Variants in HPF1 observed in about 807,000 individuals in gnomAD.
The protein encoded by HPF1 is UPF0609 protein C4orf27.
In HPF1, 35 loss-of-function variants were observed where a neutral mutation model predicts 38.8. The observed-to-expected ratio is 0.90, with a 90% confidence interval of 0.69 to 1.19. The LOEUF (loss-of-function observed/expected upper bound fraction) is 1.19. Among genes scored for constraint, HPF1 ranks in the 50% most tolerant of loss-of-function variants. The pLI is 0.00. For synonymous variants in HPF1, 115 were observed against 139.2 expected, an observed-to-expected ratio of 0.83 and a Z score of 1.22; for missense variants, 367 against 405.8, an observed-to-expected ratio of 0.90 and a Z score of 0.82.
At chr4:169,751,884 CAT>C (rs1734123699) in intron 2 of HPF1, among the ~76,000 whole-genome samples, 1 of 152,124 alleles carries the variant, frequency 6.6e-6, no homozygotes, top group East Asian at 1.9e-4. Context: ...AACAAATTTC[CAT>C]ACTCTCCACC....
At chr4:169,747,607 T>C (rs1174169368) in intron 4 of HPF1, among the ~76,000 whole-genome samples, 1 of 152,196 alleles carries the variant, frequency 6.6e-6, no homozygotes, top group East Asian at 1.9e-4. Context: ...ATAAAATGGC[T>C]TCAAGTCATG....
chr4:169,748,489 G>C (rs1031155694), intron 4 of HPF1, among the ~76,000 whole-genome samples: 2 of 151,968 alleles, frequency 1.3e-5, no homozygotes, highest in Non-Finnish European at 2.9e-5. Context: ...TCCTGACTCA[G>C]CCTCCTGAGT....
At chr4:169,750,136 T>A (rs1218150295) in intron 3 of HPF1, among the ~76,000 whole-genome samples, 1 of 152,008 alleles carries the variant, frequency 6.6e-6, no homozygotes, top group Non-Finnish European at 1.5e-5. Flanking sequence ...GGAAACCGAG[T>A]CACAGAAAGT....
rs6857979 is a variant in HPF1, at chr4:169,755,807, G to A, written c.49-1972C>T. Among the ~76,000 whole-genome samples, 613 of 152,336 alleles carry A rather than the reference G, an allele frequency of 4.0e-3. 8 individuals are homozygous for A. The highest frequency in any genetic ancestry group is 0.014 in the African/African-American group (589 of 41,578). ...AAACAAAATTCAGGATAGCTACACT[G>A]AAAATAATTGACAGGAAGAAGGCTG... On this transcript the variant is annotated intron_variant, in intron 1 of 7. Transcript: ENST00000393381.
Position 169,757,840 on chromosome 4 carries a change from T to G in HPF1, c.38A>C (p.Glu13Ala). 1 of 1,562,680 alleles carries G rather than the reference T, an allele frequency of 6.4e-7. No individual in the cohort carries two copies. Among genetic ancestry groups the G allele is most frequent in the African/African-American group, 1.4e-5 (1 of 73,798 alleles). ...CCTTTCCGGCAGTACCTGCGGCCCC[T>G]CTCCGCCGGGCCTGCGCTTCCCGCC... ...GGGGKRRPGG[E>A]GPQCEKTTDV... is the part of the protein sequence containing the mutation. The change falls in exon 1 of 8, where the codon GAG becomes GCG. Residue 13 changes from glutamate to alanine, a missense_variant. Glu to Ala is a moderately radical substitution (Grantham distance 107). Coordinates refer to ENST00000393381, the MANE Select transcript of HPF1 (RefSeq NM_017867.3).
intron 1 of HPF1, among the ~76,000 whole-genome samples, chr4:169,756,324 C>A (rs537036164): frequency 2.0e-5 from 3 of 152,320 alleles, no homozygotes; most frequent in Non-Finnish European, 4.4e-5. Flanking sequence ...GGGTCCACAG[C>A]AGATCCTCAA....
intron 5 of HPF1, among the ~76,000 whole-genome samples, chr4:169,740,782 A>G (rs889047383): frequency 1.1e-4 from 17 of 152,204 alleles, no homozygotes; most frequent in Non-Finnish European, 2.4e-4. Flanking sequence ...AACCTCAATC[A>G]TATCTTCTTT....
chr4:169,753,893 C>T, intron 1 of HPF1, 58 bp from the exon 2 acceptor site: 3 of 1,324,134 alleles, frequency 2.3e-6, no homozygotes, highest in Non-Finnish European at 3.2e-6. Flanking sequence ...CCTTGCATAA[C>T]AGTATCTATC....
chr4:169,752,552 GAT>G (rs1734133227), intron 2 of HPF1, among the ~76,000 whole-genome samples: 1 of 151,932 alleles, frequency 6.6e-6, no homozygotes. Flanking sequence ...AGTATACAGG[GAT>G]ATGTGTGTAC....
At chr4:169,741,870 G>T in intron 5 of HPF1, 87 bp downstream of exon 5, 1 of 1,099,134 alleles carries the variant, frequency 9.1e-7, no homozygotes, top group Non-Finnish European at 1.3e-6. Flanking sequence ...GACTAGGGAA[G>T]AGAAGGGTAA....
Position 169,731,693 on chromosome 4 carries a change from T to C in HPF1, c.909+11A>G, listed in dbSNP as rs780230025. ...GGCAGTGGGTAGAAGGTGGAGGGTT[T>C]TTTTACTCACATGTGAGCCATAGCA... On this transcript the variant is annotated intron_variant, in intron 7 of 7. Transcript: ENST00000393381. 21 of 1,505,750 alleles carry C rather than the reference T, an allele frequency of 1.4e-5. No individual in the cohort carries two copies. Among genetic ancestry groups the C allele is most frequent in the Non-Finnish European group, 1.7e-5 (19 of 1,132,366 alleles). 93.3% of individuals were successfully genotyped at this position (1,505,750 alleles called of 1,614,324 possible). A position where few individuals can be genotyped will look rare whatever the true frequency, so the allele number is the denominator to read the frequency against.
Position 169,739,989 on chromosome 4 carries a change from T to C in HPF1, c.648+1968A>G, listed in dbSNP as rs2150290409. On this transcript the variant is annotated intron_variant, in intron 5 of 7. Coordinates refer to ENST00000393381, the MANE Select transcript of HPF1 (RefSeq NM_017867.3). ...CTAATTGTCCATGAAGAGGAATCAA[T>C]TAAGAAGTCATCAGAATTGTAATTT... is the stretch of plus-strand genomic sequence containing the variant. Among the ~76,000 whole-genome samples the C allele has an allele frequency of 3.9e-5, 6 of 152,324 alleles. No individual in the cohort carries two copies. The South Asian group carries it at 1.2e-3, about 32-fold the overall frequency.
intron 3 of HPF1, among the ~76,000 whole-genome samples, chr4:169,749,513 T>A (rs1455005929): frequency 6.6e-6 from 1 of 152,126 alleles, no homozygotes; most frequent in Non-Finnish European, 1.5e-5. Context: ...TTTCATCAGC[T>A]CCTCAGTAAA....
intron 1 of HPF1, among the ~76,000 whole-genome samples, chr4:169,754,095 G>GT (rs1361853275): frequency 6.6e-6 from 1 of 152,060 alleles, no homozygotes; most frequent in East Asian, 1.9e-4. Flanking sequence ...AAACAAAAAG[G>GT]TAAAAAAAAG....
chr4:169,752,885 T>C (rs1218643263), intron 2 of HPF1, among the ~76,000 whole-genome samples: 5 of 152,170 alleles, frequency 3.3e-5, no homozygotes, highest in Admixed American at 6.5e-5. Flanking sequence ...CCCCAGAATG[T>C]GATGAAATTA....
chr4:169,735,127 C>CA (rs375885652), intron 6 of HPF1, among the ~76,000 whole-genome samples: 19,454 of 98,180 alleles, frequency 0.2, 2,664 homozygotes, highest in African/African-American at 0.42. Context: ...AATTCCATCT[C>CA]AAAAAAAAAA....
At position 169,738,606 on chromosome 4, in the gene HPF1, C is replaced by T. The variant is rs144498271; in HGVS notation, c.649-859G>A. Among the ~76,000 whole-genome samples, 6 of 152,220 alleles carry T rather than the reference C, an allele frequency of 3.9e-5. No individual in the cohort carries two copies. In the East Asian group the frequency reaches 9.6e-4, roughly 24 times the overall value. On this transcript the variant is annotated intron_variant, in intron 5 of 7. Transcript: ENST00000393381. ...ATCTCCCTATTCTCCCAGTCTCTTG[C>T]TTCTTTCATTATCCTTTATTAAGCT...
chr4:169,731,718 A>C lies in HPF1; in HGVS notation c.895T>G (p.Cys299Gly). The part of the protein sequence containing the change: ...MGLELGMDLF[C>G]YGSHYFHKVA... ...TTTTTACTCACATGTGAGCCATAGC[A>C]AAAGAGATCCATTCCCAATTCAAGC... Residue 299 changes from cysteine to glycine, a missense_variant, in exon 7 of 8, where the codon TGC becomes GGC. Transcript: ENST00000393381. 1 of 1,554,918 alleles carries C rather than the reference A, an allele frequency of 6.4e-7. No homozygotes were observed. The highest frequency in any genetic ancestry group is 1.2e-5 in the South Asian group (1 of 80,042).
intron 1 of HPF1, among the ~76,000 whole-genome samples, chr4:169,756,365 A>C (rs936856982): frequency 6.6e-6 from 1 of 152,200 alleles, no homozygotes; most frequent in Non-Finnish European, 1.5e-5. Flanking sequence ...TCCAACATCA[A>C]ATATAGAACA....
Sources: allele counts gnomAD v4.1 joint callset (sites outside exome capture counted in the v4.1 genomes callset), GRCh38; gene constraint gnomAD v4.1.1; transcripts MANE v1.5; gene names NCBI Gene and HGNC (gene_info 2026-07-23, HGNC 2026-07-21).